AKR1E2: variants seen among roughly 807,000 people sequenced by gnomAD.
AKR1E2 encodes the protein 1,5-anhydro-D-fructose reductase.
In AKR1E2, 43 loss-of-function variants were observed where a neutral mutation model predicts 41.9. That is an observed-to-expected ratio of 1.03 (90% CI 0.80 to 1.32). AKR1E2 has a LOEUF of 1.32. Ranked by LOEUF, AKR1E2 falls within the 40% of genes most tolerant of loss-of-function variation. The probability of loss-of-function intolerance (pLI) is 0.00; values close to 1 mark genes in which losing one functional copy is unlikely to be tolerated. For missense variants in AKR1E2, 423 were observed against 396.5 expected (o/e 1.07, Z -0.57); for synonymous variants, 121 against 138.9 (o/e 0.87, Z 0.91).
At chr10:4,831,933 A>T (rs568868939) in intron 2 of AKR1E2, among the ~76,000 whole-genome samples, 84 of 152,332 alleles carry the variant, frequency 5.5e-4, no homozygotes, top group African/African-American at 1.9e-3. Flanking sequence ...GCAGGAGGCC[A>T]GGTAGGAGAC....
intron 2 of AKR1E2, 64 bp downstream of exon 2, chr10:4,830,906 ACTTT>A: frequency 6.3e-7 from 1 of 1,590,316 alleles, no homozygotes; most frequent in Non-Finnish European, 8.6e-7. Context: ...AGGGCTTTCT[ACTTT>A]CTTTATGGGA....
the AKR1E2 span, among the ~76,000 whole-genome samples, chr10:4,857,805 C>G: frequency 6.6e-6 from 1 of 152,092 alleles, no homozygotes; most frequent in Non-Finnish European, 1.5e-5. Context: ...TTACACTACT[C>G]TCTCATACTT....
the AKR1E2 span, among the ~76,000 whole-genome samples, chr10:4,856,138 A>G: frequency 0.024 from 3,597 of 152,360 alleles, 60 homozygotes; most frequent in East Asian, 0.072. Context: ...AGGTATGTAA[A>G]GAAAGTAGAA....
intron 2 of AKR1E2, among the ~76,000 whole-genome samples, chr10:4,832,138 G>A (rs1431435775): frequency 6.6e-6 from 1 of 152,170 alleles, no homozygotes; most frequent in African/African-American, 2.4e-5. Context: ...ATGAGATCAG[G>A]AGTCATGGGT....
intron 2 of AKR1E2, among the ~76,000 whole-genome samples, chr10:4,831,956 G>A (rs1833003467): frequency 6.6e-6 from 1 of 152,222 alleles, no homozygotes; most frequent in Non-Finnish European, 1.5e-5. Context: ...TAACAGCAGT[G>A]CAGGTGGAAG....
the AKR1E2 span, among the ~76,000 whole-genome samples, chr10:4,853,698 A>G: frequency 3.4e-5 from 5 of 148,470 alleles, no homozygotes; most frequent in African/African-American, 1.2e-4. Flanking sequence ...TTTAAATCAG[A>G]GCAACTCCAC....
rs181817091 is a variant in AKR1E2 at position 4,844,093 on chromosome 10, C to T, written c.837+1589C>T. On this transcript the variant is annotated intron_variant, in intron 8 of 9. Coordinates refer to ENST00000298375, the MANE Select transcript of AKR1E2 (RefSeq NM_001040177.3). ...CTCACTGACTTCAGGAATGAAGCCG[C>T]GGACCCTTGCGGTGAGTGTTACAGT... Among the ~76,000 whole-genome samples the T allele has an allele frequency of 1.8e-3, 269 of 152,268 alleles. 1 individual carries two copies. Among genetic ancestry groups the T allele is most frequent in the Admixed American group, 2.8e-3 (43 of 15,302 alleles).
upstream of AKR1E2, among the ~76,000 whole-genome samples, chr10:4,825,459 C>T (rs895289960): frequency 6.6e-6 from 1 of 152,116 alleles, no homozygotes; most frequent in Non-Finnish European, 1.5e-5. Flanking sequence ...GGGGGGTGTC[C>T]AGTCCACCCC....
At chr10:4,850,218 G>A (rs1276314828), downstream of AKR1E2, among the ~76,000 whole-genome samples, 1 of 152,154 alleles carries the variant, frequency 6.6e-6, no homozygotes, top group Non-Finnish European at 1.5e-5. Flanking sequence ...CAGAGGAGGT[G>A]TAAACGTGTG....
At position 4,830,807 on chromosome 10, in the gene AKR1E2, G is replaced by T; in HGVS notation, c.172G>T (p.Ala58Ser). ...AGIRCKIKEG[A>S]VRREDLFIAT... ...GATCCGTTGCAAGATCAAGGAAGGC[G>T]CTGTAAGACGGGAGGATCTGTTCAT... The change falls in exon 2 of 10, where the codon GCT becomes TCT. Residue 58 changes from alanine to serine, a missense_variant. By Grantham distance (99) the Ala-to-Ser change is moderately conservative. Coordinates refer to ENST00000298375, the MANE Select transcript of AKR1E2 (RefSeq NM_001040177.3). 1.9e-6 allele frequency: 3 copies of T among 1,614,140 alleles called. No homozygotes were observed. In the South Asian group the frequency reaches 3.3e-5, roughly 18 times the overall value.
At chr10:4,855,340 AAGG>A in the AKR1E2 span, among the ~76,000 whole-genome samples, 4 of 152,202 alleles carry the variant, frequency 2.6e-5, no homozygotes, top group African/African-American at 4.8e-5. Flanking sequence ...GTTCTGTCAT[AAGG>A]AGGAGTATCT....
the AKR1E2 span, among the ~76,000 whole-genome samples, chr10:4,859,753 T>C: frequency 6.6e-6 from 1 of 152,224 alleles, no homozygotes; most frequent in Non-Finnish European, 1.5e-5. Context: ...GTCCTTCCTT[T>C]CTCTGAAAAA....
the AKR1E2 span, among the ~76,000 whole-genome samples, chr10:4,865,808 A>C: frequency 1.3e-5 from 2 of 152,200 alleles, no homozygotes; most frequent in African/African-American, 4.8e-5. Flanking sequence ...AGCTTAACAA[A>C]AAGAGTCCAC....
chr10:4,871,108 G>A, the AKR1E2 span, among the ~76,000 whole-genome samples: 2 of 151,702 alleles, frequency 1.3e-5, no homozygotes, highest in Non-Finnish European at 2.9e-5. Flanking sequence ...TTTGTGTATT[G>A]TGTTTTTCAG....
the AKR1E2 span, among the ~76,000 whole-genome samples, chr10:4,862,086 C>T: frequency 6.6e-6 from 1 of 152,186 alleles, no homozygotes; most frequent in African/African-American, 2.4e-5. Context: ...AGTCTTTAAT[C>T]CATCTTGAAT....
the AKR1E2 span, among the ~76,000 whole-genome samples, chr10:4,864,027 G>C: frequency 3.9e-4 from 60 of 152,292 alleles, no homozygotes; most frequent in South Asian, 0.012. Context: ...AATTCTACCA[G>C]AGGTACAAGG....
At chr10:4,836,838 T>C (rs916216293) in intron 4 of AKR1E2, among the ~76,000 whole-genome samples, 1 of 152,214 alleles carries the variant, frequency 6.6e-6, no homozygotes, top group Non-Finnish European at 1.5e-5. Context: ...TGTTGGCCCA[T>C]TGGTCACTCA....
chr10:4,864,437 A>T, the AKR1E2 span, among the ~76,000 whole-genome samples: 1 of 152,166 alleles, frequency 6.6e-6, no homozygotes, highest in African/African-American at 2.4e-5. Flanking sequence ...CTCTCAATAA[A>T]TTAGGTATTG....
intron 8 of AKR1E2, 143 bp from the exon 9 acceptor site, chr10:4,847,005 G>A: frequency 1.2e-6 from 1 of 851,228 alleles, no homozygotes; most frequent in Non-Finnish European, 1.8e-6. Flanking sequence ...CTGTGATTCA[G>A]GGAAGTTCCA....
Sources: allele counts gnomAD v4.1 joint callset (sites outside exome capture counted in the v4.1 genomes callset), GRCh38; gene constraint gnomAD v4.1.1; transcripts MANE v1.5; gene names NCBI Gene and HGNC (gene_info 2026-07-23, HGNC 2026-07-21).